The following GAS7 variants were observed in gnomAD, a reference collection of about 807,000 sequenced individuals.
GAS7 encodes growth arrest specific 7.
GAS7 carries 28 observed loss-of-function variants against 71.1 expected under a neutral mutation model. The ratio of observed to expected loss-of-function variants is 0.39; its 90% CI spans 0.29 to 0.54. GAS7 has a LOEUF of 0.54. Among genes scored for constraint, GAS7 ranks in the 20% least tolerant of loss-of-function variants. The pLI, the probability that GAS7 is intolerant of heterozygous loss-of-function variation, is 0.62. For synonymous variants in GAS7, 258 were observed against 245.8 expected, an observed-to-expected ratio of 1.05 and a Z score of -0.46; for missense variants, 436 against 627.8, an observed-to-expected ratio of 0.69 and a Z score of 3.27.
chr17:9,917,461 G>A (rs2067621898), intron 13 of GAS7, 120 bp from the exon 14 acceptor site: 17 of 694,008 alleles, frequency 2.4e-5, no homozygotes, highest in Middle Eastern at 2.4e-4. Flanking sequence ...AGAGGGCTCC[G>A]GGGCCCCAGG....
intron 1 of GAS7, among the ~76,000 whole-genome samples, chr17:10,104,285 CT>C (rs1299929519): frequency 3.3e-5 from 5 of 152,158 alleles, no homozygotes; most frequent in Non-Finnish European, 5.9e-5. Flanking sequence ...TCAATGTCCC[CT>C]TTTTCCAGAA....
intron 2 of GAS7, among the ~76,000 whole-genome samples, chr17:10,005,589 C>T (rs760656988): frequency 6.6e-6 from 1 of 152,128 alleles, no homozygotes; most frequent in East Asian, 1.9e-4. Flanking sequence ...CCACACCTCA[C>T]GATTTTCTGA....
chr17:10,139,803 G>C (rs534308459), intron 1 of GAS7, among the ~76,000 whole-genome samples: 1 of 152,214 alleles, frequency 6.6e-6, no homozygotes, highest in South Asian at 2.1e-4. Context: ...ACACATTGTT[G>C]CTGATCTGCT....
At position 9,969,940 on chromosome 17, in the gene GAS7, A is replaced by C. The variant is rs1243761890; in HGVS notation, c.386-178T>G. 2.0e-5 allele frequency among the ~76,000 whole-genome samples: 3 copies of C among 152,188 alleles called. No homozygotes were observed. The East Asian group carries it at 5.8e-4, about 29-fold the overall frequency. On this transcript the variant is annotated intron_variant, in intron 3 of 13. Transcript: ENST00000432992. This position sits in a 1 kb window ranked among gnomAD's most constrained non-coding sequence, Gnocchi z 5.5. Reference sequence around the variant, plus strand: ...ATCTGCAGAGCTGGAAATGGGTTGAAGGCATCTCTCTAATCCTCAGCACCC... The same window carrying C: ...ATCTGCAGAGCTGGAAATGGGTTGACGGCATCTCTCTAATCCTCAGCACCC...
chr17:9,969,612 G>T lies in GAS7; in HGVS notation c.471+65C>A. The T allele has an allele frequency of 1.0e-6, 1 of 973,208 alleles. No individual in the cohort carries two copies. Among genetic ancestry groups the T allele is most frequent in the Non-Finnish European group, 1.7e-6 (1 of 600,272 alleles). 60.3% of individuals were successfully genotyped at this position (973,208 alleles called of 1,614,324 possible). On this transcript the variant is annotated intron_variant, in intron 4 of 13. Coordinates refer to ENST00000432992, the MANE Select transcript of GAS7 (RefSeq NM_201433.2). The surrounding 1 kb of genome is among the most constrained non-coding windows in gnomAD (Gnocchi z 5.5). ...CACCTGGACTCCCATGATGGACTTT[G>T]TAATGCAGTTTCCTAGGCCTGCAGA... is the stretch of plus-strand genomic sequence containing the variant.
intron 4 of GAS7, among the ~76,000 whole-genome samples, chr17:9,968,150 A>G (rs1192866241): frequency 2.0e-5 from 3 of 152,234 alleles, no homozygotes; most frequent in Admixed American, 2.0e-4. Context: ...GACAAAAGTA[A>G]GTTTCACTTC....
intron 4 of GAS7, among the ~76,000 whole-genome samples, chr17:9,964,071 GC>G (rs544745203): frequency 8.7e-4 from 132 of 152,224 alleles, no homozygotes; most frequent in African/African-American, 2.9e-3. Flanking sequence ...GTTTGCAAAT[GC>G]CTATAATAAG....
chr17:9,934,706 G>T (rs914834641), intron 8 of GAS7, among the ~76,000 whole-genome samples: 2 of 152,148 alleles, frequency 1.3e-5, no homozygotes, highest in East Asian at 1.9e-4. Flanking sequence ...AGGAAAACAG[G>T]TTCTATTCCA....
At chr17:10,023,387 A>G (rs1033267546) in intron 1 of GAS7, among the ~76,000 whole-genome samples, 1 of 152,232 alleles carries the variant, frequency 6.6e-6, no homozygotes, top group African/African-American at 2.4e-5. Flanking sequence ...AAATTGGTAC[A>G]TGGATGCTCA....
chr17:10,073,594 T>C (rs1316605058), intron 1 of GAS7, among the ~76,000 whole-genome samples: 4 of 152,166 alleles, frequency 2.6e-5, no homozygotes, highest in African/African-American at 9.7e-5. Flanking sequence ...CAAGACCTCC[T>C]ACATCAGACT....
In GAS7 at chr17:9,956,699, G is replaced by A. The variant is rs77542934; in HGVS notation, c.525+2503C>T. On this transcript the variant is annotated intron_variant, in intron 5 of 13. Coordinates refer to ENST00000432992, the MANE Select transcript of GAS7 (RefSeq NM_201433.2). ...ACCCATAGCCTGGGGAAAAAGGAGC[G>A]TCAGAATCCAGCTCCATTCTTTCTC... Among the ~76,000 whole-genome samples the A allele has an allele frequency of 3.5e-3, 533 of 152,290 alleles. 2 individuals are homozygous for A. Among genetic ancestry groups the A allele is most frequent in the South Asian group, 8.9e-3 (43 of 4,826 alleles).
chr17:10,016,602 C>CAAAAAAAAAAAAAAAA (rs1158379710), intron 2 of GAS7, among the ~76,000 whole-genome samples: 16 of 84,698 alleles, frequency 1.9e-4, no homozygotes, highest in East Asian at 3.8e-4. Context: ...CTGTCTCTAC[C>CAAAAAAAAAAAAAAAA]AAAAAAAAAA....
At chr17:10,059,765 C>T (rs2152241898) in intron 1 of GAS7, 1 of 985,064 alleles carries the variant, frequency 1.0e-6, no homozygotes. Context: ...ACATCCGCTG[C>T]TTCCCCGTGG....
intron 1 of GAS7, among the ~76,000 whole-genome samples, chr17:10,114,863 G>A (rs924894444): frequency 4.6e-5 from 7 of 152,104 alleles, no homozygotes; most frequent in South Asian, 2.1e-4. Context: ...TCCTCTTCAC[G>A]CCATTCCAAG....
At chr17:9,947,395 A>G (rs2068827916) in intron 5 of GAS7, among the ~76,000 whole-genome samples, 1 of 152,216 alleles carries the variant, frequency 6.6e-6, no homozygotes, top group Non-Finnish European at 1.5e-5. Flanking sequence ...TAAACAAAGT[A>G]TGAGATAGAC....
chr17:10,194,632 T>A (rs1440293197), intron 1 of GAS7, among the ~76,000 whole-genome samples: 2 of 152,180 alleles, frequency 1.3e-5, no homozygotes, highest in Non-Finnish European at 2.9e-5. Context: ...ACAGCTCCTA[T>A]CTCTGGTCTC....
chr17:9,964,531 C>T (rs947824953), intron 4 of GAS7, among the ~76,000 whole-genome samples: 1 of 152,202 alleles, frequency 6.6e-6, no homozygotes, highest in African/African-American at 2.4e-5. Flanking sequence ...CCCCTTGCTG[C>T]CTCCAGGCAT....
In GAS7 at chr17:10,072,490, G is replaced by A. The variant is rs1192847972; in HGVS notation, c.184-52593C>T. Among the ~76,000 whole-genome samples the A allele has an allele frequency of 3.9e-5, 6 of 152,140 alleles. No homozygotes were observed. The East Asian group carries it at 1.2e-3, about 29-fold the overall frequency. On this transcript the variant is annotated intron_variant, in intron 1 of 13. Transcript: ENST00000432992. ...CCCTGAGAAGGACAAAGCTCCTGAA[G>A]GCCAAGACTCTGTGTAGAGAAGAGC...
At chr17:10,018,236 C>G (rs1042094887) in intron 2 of GAS7, among the ~76,000 whole-genome samples, 3 of 151,906 alleles carry the variant, frequency 2.0e-5, no homozygotes, top group Non-Finnish European at 4.4e-5. Context: ...AATTTTTTAC[C>G]GTGAAAACAA....
Sources: gnomAD v4.1 joint callset for allele counts (sites outside exome capture counted in the v4.1 genomes callset) on GRCh38, gnomAD v4.1.1 for gene constraint, Gnocchi (gnomAD v3.1) non-coding constraint, MANE v1.5 for transcripts, NCBI Gene and HGNC (gene_info 2026-07-23, HGNC 2026-07-21) for gene names.